The following ADAM12 variants were observed in gnomAD, a reference collection of about 807,000 sequenced individuals.
ADAM12 encodes the protein disintegrin and metalloproteinase domain-containing protein 12.
ADAM12 carries 70 observed loss-of-function variants against 106.4 expected under a neutral mutation model. The observed-to-expected ratio is 0.66, with a 90% CI of 0.54 to 0.80. The LOEUF (loss-of-function observed/expected upper bound fraction) is 0.80, where lower values mean the gene tolerates loss of function less well. ADAM12 is among the 30% of genes least tolerant of loss of function. ADAM12 has a pLI of 0.00. For synonymous variants in ADAM12, 420 were observed against 433.5 expected, an observed-to-expected ratio of 0.97 and a Z score of 0.39; for missense variants, 1,010 against 1,171.9, an observed-to-expected ratio of 0.86 and a Z score of 2.02.
At chr10:126,243,564 C>T (rs557650979) in intron 3 of ADAM12, among the ~76,000 whole-genome samples, 86 of 150,872 alleles carry the variant, frequency 5.7e-4, no homozygotes, top group Non-Finnish European at 1.1e-3. Flanking sequence ...TGTGTGTAGG[C>T]CATTCAGGAC....
intron 11 of ADAM12, among the ~76,000 whole-genome samples, chr10:126,078,357 C>T (rs1210521261): frequency 2.6e-5 from 4 of 152,190 alleles, no homozygotes; most frequent in Non-Finnish European, 4.4e-5. Flanking sequence ...TTGCCAAGCT[C>T]CTTCCTTAAG....
chr10:126,052,724 A>C (rs1297453030), intron 14 of ADAM12, among the ~76,000 whole-genome samples: 1 of 152,194 alleles, frequency 6.6e-6, no homozygotes, highest in Admixed American at 6.5e-5. Context: ...AGACGCTGCA[A>C]ATGTACTGGC....
chr10:126,335,650 A>G lies in ADAM12; in HGVS notation c.89-5141T>C, dbSNP rs1272527023. ...TTCATTTTAGCTGCACGCTCCCTACATGTAAATTAGTAATGCAATTTTAAA... is the reference window on the plus strand; with the variant it reads ...TTCATTTTAGCTGCACGCTCCCTACGTGTAAATTAGTAATGCAATTTTAAA... On this transcript the variant is annotated intron_variant, in intron 1 of 22. Transcript: ENST00000448723. Among the ~76,000 whole-genome samples the G allele has an allele frequency of 7.2e-5, 11 of 152,342 alleles. No individual in the cohort carries two copies. The East Asian group carries it at 1.5e-3, about 21-fold the overall frequency.
In ADAM12 at chr10:126,074,812, C is replaced by T. The variant is rs1234230187; in HGVS notation, c.1146-3158G>A. Among the ~76,000 whole-genome samples, 7 of 152,186 alleles carry T rather than the reference C, an allele frequency of 4.6e-5. No individual in the cohort carries two copies. The South Asian group carries it at 8.3e-4, about 18-fold the overall frequency. On this transcript the variant is annotated intron_variant, in intron 11 of 22. Transcript: ENST00000448723. ...AAAGTAGCGATGTCCTCCTCAGATG[C>T]GAAATGAGGTCTTGATGAATTCACC... is the stretch of plus-strand genomic sequence containing the variant.
chr10:126,156,634 T>A (rs1424931238), intron 3 of ADAM12, among the ~76,000 whole-genome samples: 1 of 152,242 alleles, frequency 6.6e-6, no homozygotes, highest in East Asian at 1.9e-4. Context: ...ACCAAGAACC[T>A]GGACATCCTC....
chr10:126,146,998 C>G (rs1272456344), intron 4 of ADAM12, among the ~76,000 whole-genome samples: 1 of 152,282 alleles, frequency 6.6e-6, no homozygotes, highest in East Asian at 1.9e-4. Flanking sequence ...TTAGTCCAAG[C>G]TGGTTGTAGA....
chr10:126,368,640 TAA>T (rs1855999126), intron 1 of ADAM12, among the ~76,000 whole-genome samples: 1 of 141,522 alleles, frequency 7.1e-6, no homozygotes, highest in Non-Finnish European at 1.6e-5. Flanking sequence ...CAGCCTGATG[TAA>T]GTTTGTTGTT....
chr10:126,037,024 T>A (rs1362495263), intron 20 of ADAM12, among the ~76,000 whole-genome samples: 4 of 152,196 alleles, frequency 2.6e-5, no homozygotes, highest in African/African-American at 9.7e-5. Flanking sequence ...GTCATGCTTC[T>A]CCCTTCCCTC....
chr10:126,292,300 C>A (rs1406499980), intron 2 of ADAM12, among the ~76,000 whole-genome samples: 2 of 152,028 alleles, frequency 1.3e-5, no homozygotes, highest in African/African-American at 4.8e-5. Context: ...CCATTGGTAC[C>A]CTCTTCTGAC....
Position 126,066,838 on chromosome 10 carries a change from G to A in ADAM12, c.1324-32C>T. 5.7e-6 allele frequency: 9 copies of A among 1,589,536 alleles called. No individual in the cohort carries two copies. The highest frequency in any genetic ancestry group is 7.8e-6 in the Non-Finnish European group (9 of 1,158,140). ...AGGGGAATGGCATTTGTTTGACAGG[G>A]TCTTATGGAGTATGCACTCACTGAA... On this transcript the variant is annotated intron_variant, in intron 12 of 22. Coordinates refer to ENST00000448723, the MANE Select transcript of ADAM12 (RefSeq NM_001288973.2). This position sits in a 1 kb window ranked among gnomAD's most constrained non-coding sequence, Gnocchi z 5.1.
chr10:126,301,191 T>C (rs1286241348), intron 2 of ADAM12, among the ~76,000 whole-genome samples: 2 of 152,186 alleles, frequency 1.3e-5, no homozygotes, highest in Non-Finnish European at 2.9e-5. Context: ...ATGTTAACAG[T>C]GTCATCGCTA....
intron 3 of ADAM12, among the ~76,000 whole-genome samples, chr10:126,242,956 G>A (rs1015556031): frequency 6.6e-6 from 1 of 152,226 alleles, no homozygotes; most frequent in Non-Finnish European, 1.5e-5. Context: ...ATATGATCTA[G>A]CCAAGGCTGT....
At chr10:126,026,173 A>G (rs1953869175) in intron 21 of ADAM12, among the ~76,000 whole-genome samples, 1 of 152,228 alleles carries the variant, frequency 6.6e-6, no homozygotes, top group African/African-American at 2.4e-5. Context: ...TGGAAAACAG[A>G]AAAAAGTAGG....
At chr10:126,305,075 A>G (rs1446323889) in intron 2 of ADAM12, among the ~76,000 whole-genome samples, 1 of 152,096 alleles carries the variant, frequency 6.6e-6, no homozygotes, top group Non-Finnish European at 1.5e-5. Flanking sequence ...GCAATTTCTT[A>G]GAAAGCTAAA....
chr10:126,040,668 G>A (rs905296694), intron 18 of ADAM12, among the ~76,000 whole-genome samples: 13 of 152,188 alleles, frequency 8.5e-5, no homozygotes, highest in Admixed American at 2.6e-4. Flanking sequence ...ATCACAGGGG[G>A]CTCTAGCTAG....
chr10:126,302,366 C>CTCAA (rs1960662055), intron 2 of ADAM12, among the ~76,000 whole-genome samples: 1 of 152,158 alleles, frequency 6.6e-6, no homozygotes, highest in Non-Finnish European at 1.5e-5. Context: ...TGTGTGTGAT[C>CTCAA]TCAAGGCATT....
intron 4 of ADAM12, among the ~76,000 whole-genome samples, chr10:126,140,877 T>G (rs1378395091): frequency 2.0e-5 from 3 of 152,170 alleles, no homozygotes; most frequent in African/African-American, 7.2e-5. Flanking sequence ...AGATGCAGTC[T>G]TCAACCCCTG....
At position 126,200,600 on chromosome 10, in the gene ADAM12, G is replaced by A. The variant is rs141288723; in HGVS notation, c.261-45295C>T. On this transcript the variant is annotated intron_variant, in intron 3 of 22. Transcript: ENST00000448723. ...ATGGTTCCCACACTGTGGAGCTGCC[G>A]TGGGGTGCCAATAAGATAATGTGTG... Among the ~76,000 whole-genome samples, 406 of 152,260 alleles carry A rather than the reference G, an allele frequency of 2.7e-3. 2 individuals are homozygous for A. The highest frequency in any genetic ancestry group is 5.4e-3 in the South Asian group (26 of 4,818).
At chr10:126,178,198 T>C (rs764490570) in intron 3 of ADAM12, among the ~76,000 whole-genome samples, 5 of 148,556 alleles carry the variant, frequency 3.4e-5, no homozygotes, top group Admixed American at 6.7e-5. Context: ...AGAATAAACA[T>C]GGTCTCAAAC....
Sources: gnomAD v4.1 joint callset for allele counts (sites outside exome capture counted in the v4.1 genomes callset) on GRCh38, gnomAD v4.1.1 for gene constraint, Gnocchi (gnomAD v3.1) non-coding constraint, MANE v1.5 for transcripts, NCBI Gene and HGNC (gene_info 2026-07-23, HGNC 2026-07-21) for gene names.